The following PCYT1B variants were observed in gnomAD, a reference collection of about 807,000 sequenced individuals.
PCYT1B encodes choline-phosphate cytidylyltransferase B.
A neutral mutation model predicts 26.4 loss-of-function variants in PCYT1B; 10 were observed. That is an observed-to-expected ratio of 0.38 (90% confidence interval 0.23 to 0.64). PCYT1B has a LOEUF of 0.64. Ranked by LOEUF, PCYT1B falls within the 30% of genes least tolerant of loss-of-function variation. The probability of loss-of-function intolerance (pLI) is 0.56; values close to 1 mark genes in which losing one functional copy is unlikely to be tolerated. For missense variants in PCYT1B, 161 were observed against 292.7 expected, an observed-to-expected ratio of 0.55 and a Z score of 3.28; for synonymous variants, 131 against 108.4, an observed-to-expected ratio of 1.21 and a Z score of -1.29.
rs1411230604 is a variant in PCYT1B at position 24,559,426 on chromosome X, GAAGAAAGAA to G, written c.*2858_*2866del. The G allele has an allele frequency of 1.4e-5, 1 of 70,488 alleles. No individual in the cohort carries two copies. The highest frequency in any genetic ancestry group is 1.8e-4 in the Admixed American group (1 of 5,606). The allele number at this position is 70,488 out of a possible 1,213,427, so 5.8% of individuals were successfully genotyped here. A position where few individuals can be genotyped will look rare whatever the true frequency, so the allele number is the denominator to read the frequency against. ...GAAAAAGAGGAAAGAAAAAGAGAAA[GAAGAAAGAA>G]AAAGAAAGAGAGAGAGAGAGAAAGA... is the stretch of plus-strand genomic sequence containing the variant. On this transcript the variant is annotated 3_prime_UTR_variant, in exon 8 of 8. Transcript: ENST00000379144.
intron 2 of PCYT1B, among the ~76,000 whole-genome samples, chrX:24,610,788 C>T (rs1030553078): frequency 9.0e-6 from 1 of 110,677 alleles, no homozygotes; most frequent in African/African-American, 3.3e-5. Flanking sequence ...CCCCTCCCTG[C>T]CAAAAAAGGA....
chrX:24,600,931 C>CAA (rs57624385), intron 3 of PCYT1B, among the ~76,000 whole-genome samples: 1 of 92,378 alleles, frequency 1.1e-5, no homozygotes, highest in African/African-American at 4.1e-5. Context: ...CATTCACATG[C>CAA]AAAAAAAAAA....
At chrX:24,618,552 G>A (rs779217859) in intron 2 of PCYT1B, among the ~76,000 whole-genome samples, 2 of 110,040 alleles carry the variant, frequency 1.8e-5, no homozygotes, top group Non-Finnish European at 3.8e-5. Flanking sequence ...CTTGCACTGC[G>A]TTATAATCTC....
chrX:24,624,879 G>C (rs1010551101), intron 1 of PCYT1B, among the ~76,000 whole-genome samples: 7 of 112,251 alleles, frequency 6.2e-5, no homozygotes, highest in Non-Finnish European at 1.3e-4. Flanking sequence ...CTTAAACCCT[G>C]CCCATACCTT....
At chrX:24,625,070 G>C (rs1925842165) in intron 1 of PCYT1B, among the ~76,000 whole-genome samples, 1 of 112,162 alleles carries the variant, frequency 8.9e-6, no homozygotes, top group Non-Finnish European at 1.9e-5. Flanking sequence ...GAATTACCCA[G>C]AGTAACTAAA....
At chrX:24,639,807 T>A (rs1459011380) in intron 1 of PCYT1B, among the ~76,000 whole-genome samples, 1 of 110,939 alleles carries the variant, frequency 9.0e-6, no homozygotes, top group Non-Finnish European at 1.9e-5. Flanking sequence ...TGTCTTTTTT[T>A]CTCCCTGAAG....
At position 24,616,228 on chromosome X, in the gene PCYT1B, C is replaced by CTT. The variant is rs59287140; in HGVS notation, c.217+2755_217+2756dup. Among the ~76,000 whole-genome samples the CTT allele has an allele frequency of 7.9e-3, 344 of 43,765 alleles. 7 individuals are homozygous for CTT. Among genetic ancestry groups the CTT allele is most frequent in the African/African-American group, 0.03 (236 of 7,767 alleles). The allele number at this position is 43,765 out of a possible 115,157, so 38.0% of individuals were successfully genotyped here. A position where few individuals can be genotyped will look rare whatever the true frequency, so the allele number is the denominator to read the frequency against. On this transcript the variant is annotated intron_variant, in intron 2 of 7. Transcript: ENST00000379144. Reference sequence around the variant, plus strand: ...TCTGTTTTCTTCATAACCACCTGGACTTTTTTTTTTTTTTTTTTTTTTTTA... The same window carrying CTT: ...TCTGTTTTCTTCATAACCACCTGGACTTTTTTTTTTTTTTTTTTTTTTTTTTA...
At chrX:24,638,915 C>A (rs1477912247) in intron 1 of PCYT1B, among the ~76,000 whole-genome samples, 1 of 112,611 alleles carries the variant, frequency 8.9e-6, no homozygotes, top group Non-Finnish European at 1.9e-5. Context: ...TTTCCCGAAA[C>A]AATGAATAGA....
chrX:24,664,516 G>C (rs954368573), intron 1 of PCYT1B, among the ~76,000 whole-genome samples: 4 of 112,033 alleles, frequency 3.6e-5, no homozygotes, highest in Non-Finnish European at 7.5e-5. Context: ...TGAAAGCGGG[G>C]CATCACTTTA....
At chrX:24,636,482 A>G (rs1419514208) in intron 1 of PCYT1B, among the ~76,000 whole-genome samples, 8 of 111,843 alleles carry the variant, frequency 7.2e-5, no homozygotes, top group Non-Finnish European at 1.5e-4. Flanking sequence ...GTGTGGTGGC[A>G]CATGCCTGTA....
At chrX:24,576,347 A>G (rs997588643) in intron 6 of PCYT1B, among the ~76,000 whole-genome samples, 1 of 111,888 alleles carries the variant, frequency 8.9e-6, no homozygotes. Context: ...TCTGTTGCCC[A>G]GGCTGGAGTG....
intron 3 of PCYT1B, among the ~76,000 whole-genome samples, chrX:24,599,543 T>C (rs762546166): frequency 1.8e-5 from 2 of 112,204 alleles, no homozygotes; most frequent in East Asian, 2.8e-4. Flanking sequence ...CATTAAGAGA[T>C]ACATTGCTGT....
At chrX:24,620,529 A>G (rs1291568782) in intron 1 of PCYT1B, among the ~76,000 whole-genome samples, 1 of 112,326 alleles carries the variant, frequency 8.9e-6, no homozygotes, top group Non-Finnish European at 1.9e-5. Context: ...TGGCGACCTC[A>G]TAGGCTGTGG....
At chrX:24,578,800 A>C (rs1241894350) in intron 6 of PCYT1B, among the ~76,000 whole-genome samples, 1 of 111,654 alleles carries the variant, frequency 9.0e-6, no homozygotes, top group Non-Finnish European at 1.9e-5. Context: ...ATCAAGTCTA[A>C]AAACTCTAAA....
upstream of PCYT1B, chrX:24,647,381 G>A: frequency 1.5e-6 from 1 of 680,304 alleles, no homozygotes; most frequent in Non-Finnish European, 1.9e-6. Context: ...TATCTCATTT[G>A]CATAGAGCGC....
rs953146219 is a variant in PCYT1B at position 24,607,803 on chromosome X, A to C, written c.276T>G (p.His92Gln). The change falls in exon 3 of 8, where the codon CAT becomes CAG. Residue 92 changes from histidine (H) to glutamine (Q), a missense_variant. Coordinates refer to ENST00000379144, the MANE Select transcript of PCYT1B (RefSeq NM_004845.5). ...TTTTTGCTTGCATAAGGGCTCTTGC[A>C]TGACCTGAGTGGAAGAGGTCAAATA... Reference protein sequence around the residue: ...DGIFDLFHSGHARALMQAKTL... With the variant: ...DGIFDLFHSGQARALMQAKTL... 1.7e-6 allele frequency: 2 copies of C among 1,202,771 alleles called. No homozygotes were observed. Among genetic ancestry groups the C allele is most frequent in the Non-Finnish European group, 2.3e-6 (2 of 888,651 alleles).
intron 5 of PCYT1B, among the ~76,000 whole-genome samples, chrX:24,586,166 CTA>C (rs1924365183): frequency 8.9e-6 from 1 of 112,478 alleles, no homozygotes; most frequent in Non-Finnish European, 1.9e-5. Flanking sequence ...AGGGTGAGGT[CTA>C]TGTCTTATTC....
intron 1 of PCYT1B, among the ~76,000 whole-genome samples, chrX:24,630,593 T>C (rs777340242): frequency 9.8e-5 from 11 of 111,688 alleles, no homozygotes; most frequent in Non-Finnish European, 1.9e-4. Context: ...CCACGCCCAG[T>C]CAAAATATGT....
intron 1 of PCYT1B, among the ~76,000 whole-genome samples, chrX:24,655,789 C>T (rs1016925498): frequency 5.7e-5 from 6 of 105,242 alleles, no homozygotes; most frequent in African/African-American, 2.1e-4. Context: ...GTGTCAAAAA[C>T]AAAACAAAAC....
Sources: gnomAD v4.1 joint callset for allele counts (sites outside exome capture counted in the v4.1 genomes callset) on GRCh38, gnomAD v4.1.1 for gene constraint, MANE v1.5 for transcripts, NCBI Gene and HGNC (gene_info 2026-07-23, HGNC 2026-07-21) for gene names.